The following PER2 variants were observed in gnomAD, a reference collection of about 807,000 sequenced individuals.
The protein encoded by PER2 is period circadian protein homolog 2.
PER2 carries 66 observed loss-of-function variants against 121.0 expected under a neutral mutation model. The ratio of observed to expected loss-of-function variants is 0.55; its 90% confidence interval spans 0.45 to 0.67. PER2 has a LOEUF of 0.67. Ranked by LOEUF, PER2 falls within the 30% of genes least tolerant of loss-of-function variation. The probability of loss-of-function intolerance (pLI) is 0.00; values close to 1 mark genes in which losing one functional copy is unlikely to be tolerated. For missense variants in PER2, 1,521 were observed against 1,635.0 expected (o/e 0.93, Z 1.20); for synonymous variants, 684 against 659.9 (o/e 1.04, Z -0.56).
At chr2:238,276,028 C>T (rs990604691) in intron 3 of PER2, 131 bp from the exon 4 acceptor site, 10 of 627,044 alleles carry the variant, frequency 1.6e-5, no homozygotes, top group African/African-American at 3.7e-5. Flanking sequence ...CTTTGTGGGG[C>T]TCTGTAGATT....
At chr2:238,261,020 C>G (rs1695911239) in intron 12 of PER2, 67 bp from the exon 13 acceptor site, 1 of 1,567,704 alleles carries the variant, frequency 6.4e-7, no homozygotes, top group South Asian at 1.1e-5. Context: ...TGGCCCCCTG[C>G]CAACACACCC....
chr2:238,247,682 G>A (rs1295343717), intron 22 of PER2, among the ~76,000 whole-genome samples: 14 of 152,220 alleles, frequency 9.2e-5, no homozygotes, highest in Admixed American at 7.9e-4. Flanking sequence ...GGGCATGTGC[G>A]AAGATCCTGT....
Position 238,277,779 on chromosome 2 carries a change from G to A in PER2, c.158C>T (p.Ser53Leu), listed in dbSNP as rs149407924. 2.2e-5 allele frequency: 36 copies of A among 1,614,044 alleles called. No individual in the cohort carries two copies. The highest frequency in any genetic ancestry group is 1.2e-4 in the African/African-American group (9 of 74,928). Reference protein sequence around the residue: ...TNENCSTGRDSQGSDCDDSGK... With the variant: ...TNENCSTGRDLQGSDCDDSGK... ...ACTGTCGTCACAGTCACTGCCCTGC[G>A]AGTCCCGCCCCGTGGAGCAGTTTTC... Residue 53 changes from serine (S) to leucine (L), a missense_variant, in exon 2 of 23, where the codon TCG becomes TTG. Physicochemically the swap from Ser to Leu is moderately radical, Grantham distance 145. Coordinates refer to ENST00000254657, the MANE Select transcript of PER2 (RefSeq NM_022817.3).
rs1286179012 is a variant in PER2, at chr2:238,246,540, A to G, written c.3619-16T>C. ...AAACACATTCCTTAAAAGAAAAAAA[A>G]AGAGAAATCAGTAACAAACTTGAGA... On this transcript the variant is annotated splice_polypyrimidine_tract_variant and intron_variant, in intron 22 of 22. Transcript: ENST00000254657. The G allele has an allele frequency of 6.5e-7, 1 of 1,538,376 alleles. No individual in the cohort carries two copies. The highest frequency in any genetic ancestry group is 9.0e-7 in the Non-Finnish European group (1 of 1,113,048).
At position 238,269,098 on chromosome 2, in the gene PER2, T is replaced by C. The variant is rs1245140818; in HGVS notation, c.773-124A>G. Reference sequence around the variant, plus strand: ...ATTCAAGGTGAAAACTGAAAATTTATGGAAGCACAAAGTAAATCCTTTATG... The same window carrying C: ...ATTCAAGGTGAAAACTGAAAATTTACGGAAGCACAAAGTAAATCCTTTATG... On this transcript the variant is annotated intron_variant, in intron 6 of 22. Transcript: ENST00000254657. The C allele has an allele frequency of 5.3e-6, 4 of 761,150 alleles. No homozygotes were observed. In the Admixed American group the frequency reaches 8.4e-5, roughly 16 times the overall value. 47.1% of individuals were successfully genotyped at this position (761,150 alleles called of 1,614,324 possible). A position where few individuals can be genotyped will look rare whatever the true frequency, so the allele number is the denominator to read the frequency against.
At chr2:238,259,927 C>A in intron 14 of PER2, 42 bp downstream of exon 14, 1 of 926,166 alleles carries the variant, frequency 1.1e-6, no homozygotes, top group Non-Finnish European at 1.7e-6. Context: ...TGTGGCCATA[C>A]TCTAGTTTCA....
rs1234080246 is a variant in PER2 at position 238,246,534 on chromosome 2, A to G, written c.3619-10T>C. 3.2e-6 allele frequency: 5 copies of G among 1,542,186 alleles called. No homozygotes were observed. Among genetic ancestry groups the G allele is most frequent in the Non-Finnish European group, 4.5e-6 (5 of 1,115,902 alleles). On this transcript the variant is annotated splice_polypyrimidine_tract_variant and intron_variant, in intron 22 of 22. Coordinates refer to ENST00000254657, the MANE Select transcript of PER2 (RefSeq NM_022817.3). ...CACAGTAAACACATTCCTTAAAAGA[A>G]AAAAAAAGAGAAATCAGTAACAAAC... is the stretch of plus-strand genomic sequence containing the variant.
At chr2:238,250,520 C>A in intron 21 of PER2, 31 bp downstream of exon 21, 2 of 1,548,642 alleles carry the variant, frequency 1.3e-6, no homozygotes, top group East Asian at 2.3e-5. Flanking sequence ...CCATCCCTCC[C>A]CAGGTGCCTA....
chr2:238,250,694 G>C lies in PER2; in HGVS notation c.3324C>G (p.Ser1108=). ...TTTTTGCTTTGTGATTATTCTCTGA[G>C]GAGTCAATGCTTCCAAAATATTTGC... ...HTSKYFGSID[S]SENNHKAKMN... The change falls in exon 21 of 23, where the codon TCC becomes TCG. Residue 1108 remains serine, a synonymous_variant. Coordinates refer to ENST00000254657, the MANE Select transcript of PER2 (RefSeq NM_022817.3). 1 of 1,613,876 alleles carries C rather than the reference G, an allele frequency of 6.2e-7. No homozygotes were observed. The highest frequency in any genetic ancestry group is 8.5e-7 in the Non-Finnish European group (1 of 1,179,740).
rs974443246 is a variant in PER2, at chr2:238,252,858, C to G, written c.3111+54G>C. ...GAACTGAGGATGTGCGGCCGGCCTG[C>G]CAGGTGTGCTGTTTGCTGCCTGCTT... is the stretch of plus-strand genomic sequence containing the variant. On this transcript the variant is annotated intron_variant, in intron 19 of 22. Coordinates refer to ENST00000254657, the MANE Select transcript of PER2 (RefSeq NM_022817.3). The surrounding 1 kb of genome is among the most constrained non-coding windows in gnomAD (Gnocchi z 4.2). 3 of 1,484,500 alleles carry G rather than the reference C, an allele frequency of 2.0e-6. No individual in the cohort carries two copies. In the Admixed American group the frequency reaches 5.0e-5, roughly 25 times the overall value. The allele number at this position is 1,484,500 out of a possible 1,614,324, so 92.0% of individuals were successfully genotyped here. A position where few individuals can be genotyped will look rare whatever the true frequency, so the allele number is the denominator to read the frequency against.
In PER2 at chr2:238,271,501, C is replaced by T. The variant is rs1696285354; in HGVS notation, c.583G>A (p.Val195Met). The part of the protein sequence containing the change: ...HIVKNADMFA[V>M]AVSLVSGKIL... ...TTCCCAGACACCAGGGACACGGCCA[C>T]CGCAAACATATCCTGAAAAGGAAGA... The change falls in exon 6 of 23, where the codon GTG becomes ATG. Residue 195 changes from valine to methionine, a missense_variant. By Grantham distance (21) the Val-to-Met change is conservative (BLOSUM62 1). Transcript: ENST00000254657. 6.2e-7 allele frequency: 1 copy of T among 1,612,650 alleles called. No homozygotes were observed. Among genetic ancestry groups the T allele is most frequent in the African/African-American group, 1.3e-5 (1 of 74,902 alleles).
intron 6 of PER2, among the ~76,000 whole-genome samples, chr2:238,270,973 G>A (rs1696265440): frequency 6.6e-6 from 1 of 152,238 alleles, no homozygotes; most frequent in Non-Finnish European, 1.5e-5. Flanking sequence ...CGTGCAGGGA[G>A]CAGGGTGCCT....
chr2:238,294,673 G>A (rs1339009087), upstream of PER2, among the ~76,000 whole-genome samples: 2 of 152,208 alleles, frequency 1.3e-5, no homozygotes, highest in African/African-American at 4.8e-5. Context: ...CTGTGTGTCT[G>A]TGTTGTATGT....
At chr2:238,273,320 G>C in intron 4 of PER2, 129 bp from the exon 5 acceptor site, 1 of 988,792 alleles carries the variant, frequency 1.0e-6, no homozygotes, top group Non-Finnish European at 1.5e-6. Flanking sequence ...TCGTCTTCCT[G>C]GGACACAGAA....
intron 1 of PER2, among the ~76,000 whole-genome samples, chr2:238,288,030 TC>T (rs958198363): frequency 6.6e-6 from 1 of 152,116 alleles, no homozygotes; most frequent in African/African-American, 2.4e-5. Flanking sequence ...GCCCTCAGGT[TC>T]CCAGGCCTGG....
At position 238,265,521 on chromosome 2, in the gene PER2, A is replaced by G. The variant is rs1197454256; in HGVS notation, c.1037T>C (p.Val346Ala). The change falls in exon 9 of 23, where the codon GTG becomes GCG. Residue 346 changes from valine (V) to alanine (A), a missense_variant. Physicochemically the swap from Val to Ala is moderately conservative, Grantham distance 64. Coordinates refer to ENST00000254657, the MANE Select transcript of PER2 (RefSeq NM_022817.3). ...THTPNCLFQD[V>A]DERAVPLLGY... ...GGTCAAGACCACGTACCTTTCATCCACATCCTGGAACAAACAATTTGGTGT... is the reference window on the plus strand; with the variant it reads ...GGTCAAGACCACGTACCTTTCATCCGCATCCTGGAACAAACAATTTGGTGT... 6.2e-7 allele frequency: 1 copy of G among 1,607,700 alleles called. No homozygotes were observed. The highest frequency in any genetic ancestry group is 1.1e-5 in the South Asian group (1 of 90,948).
intron 3 of PER2, among the ~76,000 whole-genome samples, chr2:238,276,916 G>A (rs1054698386): frequency 2.0e-5 from 3 of 152,184 alleles, no homozygotes; most frequent in Admixed American, 6.5e-5. Flanking sequence ...AGGAGCTACA[G>A]GTACTGGAGC....
In PER2 at chr2:238,268,813, T is replaced by C; in HGVS notation, c.824+110A>G. 1.3e-6 allele frequency: 1 copy of C among 796,974 alleles called. No homozygotes were observed. Among genetic ancestry groups the C allele is most frequent in the Non-Finnish European group, 2.2e-6 (1 of 447,334 alleles). The allele number at this position is 796,974 out of a possible 1,614,324, so 49.4% of individuals were successfully genotyped here. On this transcript the variant is annotated intron_variant, in intron 7 of 22. Transcript: ENST00000254657. The surrounding 1 kb of genome is among the most constrained non-coding windows in gnomAD (Gnocchi z 4.0). ...TTCTGGTAGACTTCAGAAACAGGCG[T>C]GCTGAGTCCCTGCAGGCAGGGATCA...
chr2:238,298,392 A>G, the PER2 span: 2 of 152,092 alleles, frequency 1.3e-5, no homozygotes, highest in Non-Finnish European at 2.9e-5. Context: ...CTAAACTAAG[A>G]CACTGGATAC....
Sources: allele counts gnomAD v4.1 joint callset (sites outside exome capture counted in the v4.1 genomes callset), GRCh38; gene constraint gnomAD v4.1.1; non-coding constraint Gnocchi (gnomAD v3.1); transcripts MANE v1.5; gene names NCBI Gene and HGNC (gene_info 2026-07-23, HGNC 2026-07-21).